WWOX: variants seen among roughly 807,000 people sequenced by gnomAD.
WWOX encodes the protein WW domain containing oxidoreductase, also known as WW domain-containing oxidoreductase.
In WWOX, 69 loss-of-function variants were observed where a neutral mutation model predicts 46.2. That is an observed-to-expected ratio of 1.49 (90% CI 1.23 to 1.82). The LOEUF (loss-of-function observed/expected upper bound fraction) is 1.82, where lower values mean the gene tolerates loss of function less well. Among genes scored for constraint, WWOX ranks in the 40% most tolerant of loss-of-function variants. The pLI is 0.00. For missense variants in WWOX, 919 were observed against 542.6 expected (o/e 1.69, Z -6.89); for synonymous variants, 359 against 202.6 (o/e 1.77, Z -6.56).
intron 8 of WWOX, among the ~76,000 whole-genome samples, chr16:78,941,982 A>C (rs1033038995): frequency 6.6e-6 from 1 of 152,180 alleles, no homozygotes; most frequent in Non-Finnish European, 1.5e-5. Context: ...AATGTGGGTC[A>C]TTGGGAAATA....
intron 5 of WWOX, among the ~76,000 whole-genome samples, chr16:78,362,992 A>G (rs761217434): frequency 2.0e-5 from 3 of 152,152 alleles, no homozygotes; most frequent in Non-Finnish European, 4.4e-5. Flanking sequence ...GGCAATATTC[A>G]AGTCTTCAGT....
intron 5 of WWOX, among the ~76,000 whole-genome samples, chr16:78,170,298 A>T (rs1167483874): frequency 1.3e-5 from 2 of 152,168 alleles, no homozygotes; most frequent in Non-Finnish European, 1.5e-5. Flanking sequence ...CAGTTTCTTC[A>T]TCTGTAAAAT....
Position 79,032,495 on chromosome 16 carries a change from C to G in WWOX, c.1057-179113C>G, listed in dbSNP as rs576936740. 5.3e-4 allele frequency among the ~76,000 whole-genome samples: 78 copies of G among 147,262 alleles called. 1 individual carries two copies. Among genetic ancestry groups the G allele is most frequent in the African/African-American group, 1.8e-3 (73 of 40,440 alleles). On this transcript the variant is annotated intron_variant, in intron 8 of 8. Transcript: ENST00000566780. ...ACCCATATATAATATACATAATAGA[C>G]TATACACATATACAGCTAATATATA...
At chr16:78,693,861 C>T (rs2048042948) in intron 8 of WWOX, among the ~76,000 whole-genome samples, 1 of 152,096 alleles carries the variant, frequency 6.6e-6, no homozygotes, top group South Asian at 2.1e-4. Context: ...CCTCTCTTTT[C>T]CCACTGAAGT....
chr16:78,462,851 A>T (rs947523924), intron 8 of WWOX, among the ~76,000 whole-genome samples: 1 of 152,070 alleles, frequency 6.6e-6, no homozygotes, highest in African/African-American at 2.4e-5. Context: ...ACAACATCTA[A>T]ATTTTTGTTG....
chr16:78,904,397 C>A (rs552736385), intron 8 of WWOX, among the ~76,000 whole-genome samples: 1 of 152,032 alleles, frequency 6.6e-6, no homozygotes, highest in African/African-American at 2.4e-5. Flanking sequence ...CACCACTGCG[C>A]CCAGCTAATT....
intron 8 of WWOX, among the ~76,000 whole-genome samples, chr16:79,054,499 A>C (rs1012684492): frequency 6.6e-6 from 1 of 152,164 alleles, no homozygotes; most frequent in African/African-American, 2.4e-5. Context: ...AGGGGAATAC[A>C]TTAATTTCTG....
chr16:78,224,844 T>C (rs952297339), intron 5 of WWOX, among the ~76,000 whole-genome samples: 2 of 152,240 alleles, frequency 1.3e-5, no homozygotes, highest in South Asian at 2.1e-4. Flanking sequence ...TTTTCTTGAT[T>C]ATTAGTGAAG....
At chr16:79,009,643 G>C (rs1302962652) in intron 8 of WWOX, among the ~76,000 whole-genome samples, 1 of 152,176 alleles carries the variant, frequency 6.6e-6, no homozygotes, top group Non-Finnish European at 1.5e-5. Flanking sequence ...TAAAGACAAG[G>C]TTTCCCCATG....
At chr16:78,564,668 C>G (rs185660209) in intron 8 of WWOX, among the ~76,000 whole-genome samples, 6 of 152,094 alleles carry the variant, frequency 3.9e-5, no homozygotes, top group Non-Finnish European at 8.8e-5. Flanking sequence ...TCTGGCCACT[C>G]GGGAGCTCAA....
intron 8 of WWOX, among the ~76,000 whole-genome samples, chr16:78,807,080 G>C (rs901033946): frequency 6.6e-6 from 1 of 152,202 alleles, no homozygotes; most frequent in African/African-American, 2.4e-5. Context: ...CATCCACCAA[G>C]TGCCTGGTGC....
rs138061698 is a variant in WWOX at position 78,749,150 on chromosome 16, C to T, written c.1056+316398C>T. Among the ~76,000 whole-genome samples the T allele has an allele frequency of 1.9e-4, 29 of 152,252 alleles. 1 individual carries two copies. The highest frequency in any genetic ancestry group is 4.6e-4 in the Admixed American group (7 of 15,294). On this transcript the variant is annotated intron_variant, in intron 8 of 8. Coordinates refer to ENST00000566780, the MANE Select transcript of WWOX (RefSeq NM_016373.4). ...GTCCTCCATGACCAAGGGCTGTCTGCATGGGTACGCAGATAAAACATGCAC... is the reference window on the plus strand; with the variant it reads ...GTCCTCCATGACCAAGGGCTGTCTGTATGGGTACGCAGATAAAACATGCAC...
intron 8 of WWOX, among the ~76,000 whole-genome samples, chr16:79,112,753 G>A (rs1315438496): frequency 6.6e-6 from 1 of 152,100 alleles, no homozygotes; most frequent in Non-Finnish European, 1.5e-5. Context: ...TTTTAGAGCT[G>A]GAAGACAGGA....
intron 5 of WWOX, among the ~76,000 whole-genome samples, chr16:78,315,313 G>T (rs1045561891): frequency 5.9e-5 from 9 of 152,116 alleles, no homozygotes; most frequent in Non-Finnish European, 1.3e-4. Context: ...GCTTCATTGT[G>T]CCCTTTAGAG....
chr16:78,150,974 C>G (rs1432450820), intron 4 of WWOX, among the ~76,000 whole-genome samples: 1 of 152,050 alleles, frequency 6.6e-6, no homozygotes, highest in Non-Finnish European at 1.5e-5. Context: ...AACTTCTGGG[C>G]TCAAGTGATC....
chr16:78,413,816 C>T (rs752392539), intron 6 of WWOX, among the ~76,000 whole-genome samples: 19 of 151,758 alleles, frequency 1.3e-4, no homozygotes, highest in East Asian at 3.9e-4. Flanking sequence ...ATGGGGCCAC[C>T]GTGTTGTCAG....
chr16:78,543,646 T>G (rs117653363), intron 8 of WWOX, among the ~76,000 whole-genome samples: 5,921 of 152,270 alleles, frequency 0.039, 155 homozygotes, highest in Non-Finnish European at 0.05. Context: ...TTCTCAATAT[T>G]AAACCCTCAG....
intron 8 of WWOX, among the ~76,000 whole-genome samples, chr16:78,587,246 G>C (rs2045232414): frequency 7.2e-6 from 1 of 138,680 alleles, no homozygotes; most frequent in Non-Finnish European, 1.5e-5. Context: ...ATGTTGCCCA[G>C]GCTTGTCTTG....
chr16:78,990,704 AG>A (rs1597246005), intron 8 of WWOX, among the ~76,000 whole-genome samples: 1 of 152,076 alleles, frequency 6.6e-6, no homozygotes, highest in South Asian at 2.1e-4. Flanking sequence ...GAAAGAAGGA[AG>A]AAGGAAGGAG....
Sources: gnomAD v4.1 joint callset for allele counts (sites outside exome capture counted in the v4.1 genomes callset) on GRCh38, gnomAD v4.1.1 for gene constraint, MANE v1.5 for transcripts, NCBI Gene and HGNC (gene_info 2026-07-23, HGNC 2026-07-21) for gene names.